SMARCAD1: variants seen among roughly 807,000 people sequenced by gnomAD.
The protein encoded by SMARCAD1 is SWI/SNF-related matrix-associated actin-dependent regulator of chromatin subfamily A containing DEAD/H box 1.
Under a neutral mutation model 127.1 loss-of-function variants are expected in SMARCAD1, and 25 were observed. That is an observed-to-expected ratio of 0.20 (90% CI 0.14 to 0.27). The LOEUF (loss-of-function observed/expected upper bound fraction) is 0.27. SMARCAD1 is among the 10% of genes least tolerant of loss of function. SMARCAD1 has a pLI of 1.00. For synonymous variants in SMARCAD1, 400 were observed against 396.9 expected (o/e 1.01, Z -0.09); for missense variants, 807 against 1,206.0 (o/e 0.67, Z 4.90).
At chr4:94,282,085 C>T (rs1754116980) in intron 21 of SMARCAD1, among the ~76,000 whole-genome samples, 1 of 109,608 alleles carries the variant, frequency 9.1e-6, no homozygotes, top group Admixed American at 1.1e-4. Flanking sequence ...GAATTACATG[C>T]AAATACGTTT....
Position 94,252,634 on chromosome 4 carries a change from A to T in SMARCAD1, c.908A>T (p.Gln303Leu). 1 of 1,568,844 alleles carries T rather than the reference A, an allele frequency of 6.4e-7. No individual in the cohort carries two copies. Among genetic ancestry groups the T allele is most frequent in the African/African-American group, 1.4e-5 (1 of 72,522 alleles). ...TATACAGATATGCAATATGTATCAC[A>T]AAGTGAGGTTCCAAATGGAAAAGAA... Reference protein sequence around the residue: ...AEDQDMQYVSQSEVPNGKEVS... With the variant: ...AEDQDMQYVSLSEVPNGKEVS... Residue 303 changes from glutamine (Q) to leucine (L), a missense_variant, in exon 9 of 24, where the codon CAA becomes CTA. This residue lies in a region of SMARCAD1 where 257 missense variants were observed against 303.4 expected (regional missense o/e 0.85). Coordinates refer to ENST00000354268, the MANE Select transcript of SMARCAD1 (RefSeq NM_020159.5).
rs1467432447 is a variant in SMARCAD1 at position 94,291,160 on chromosome 4, T to C, written c.*1626T>C. The C allele has an allele frequency of 8.8e-5, 40 of 453,636 alleles. No homozygotes were observed. The highest frequency in any genetic ancestry group is 1.5e-4 in the Non-Finnish European group (33 of 226,658). The allele number at this position is 453,636 out of a possible 1,614,324, so 28.1% of individuals were successfully genotyped here. Reference sequence around the variant, plus strand: ...TTCTGTATTAATGTATTTTCAATGATAGGCTGTTTCTTTTTTTGTTGTTAT... The same window carrying C: ...TTCTGTATTAATGTATTTTCAATGACAGGCTGTTTCTTTTTTTGTTGTTAT... On this transcript the variant is annotated 3_prime_UTR_variant, in exon 24 of 24. Transcript: ENST00000354268.
intron 9 of SMARCAD1, chr4:94,253,591 C>T: frequency 9.6e-7 from 1 of 1,036,648 alleles, no homozygotes; most frequent in East Asian, 8.7e-5. Context: ...TAGCAGGCTG[C>T]AGCGTTTTTA....
At chr4:94,282,091 C>CTT (rs1560568847) in intron 21 of SMARCAD1, among the ~76,000 whole-genome samples, 1 of 1,164 alleles carries the variant, frequency 8.6e-4, no homozygotes, top group Admixed American at 9.8e-3. Flanking sequence ...CATGCAAATA[C>CTT]GTTTTTTTGT....
intron 2 of SMARCAD1, among the ~76,000 whole-genome samples, chr4:94,223,248 A>T (rs1284742210): frequency 6.6e-6 from 1 of 151,924 alleles, no homozygotes; most frequent in Non-Finnish European, 1.5e-5. Context: ...TAATCCCAGC[A>T]CTTTGGGAGG....
intron 6 of SMARCAD1, among the ~76,000 whole-genome samples, chr4:94,247,354 T>C (rs1748591736): frequency 6.6e-6 from 1 of 152,092 alleles, no homozygotes; most frequent in African/African-American, 2.4e-5. Flanking sequence ...TTGTAAAGTG[T>C]CTGTGTAACC....
At chr4:94,237,353 G>T (rs958922359) in intron 5 of SMARCAD1, among the ~76,000 whole-genome samples, 2 of 151,968 alleles carry the variant, frequency 1.3e-5, no homozygotes, top group Non-Finnish European at 2.9e-5. Flanking sequence ...GGCGTAGCTG[G>T]TAATCAACAT....
chr4:94,287,003 T>C (rs918645461), intron 23 of SMARCAD1, among the ~76,000 whole-genome samples: 2 of 152,198 alleles, frequency 1.3e-5, no homozygotes, highest in African/African-American at 2.4e-5. Flanking sequence ...TAGCTGGGAC[T>C]ATAGGTGCCC....
chr4:94,265,075 TC>T (rs1011787952), intron 10 of SMARCAD1, among the ~76,000 whole-genome samples, 169 bp downstream of exon 10: 50 of 152,042 alleles, frequency 3.3e-4, no homozygotes, highest in African/African-American at 1.2e-3. Flanking sequence ...TTCATTGATT[TC>T]CCCCACCCCC....
rs35858920 is a variant in SMARCAD1 at position 94,278,600 on chromosome 4, G to GT, written c.2179-10dup. The GT allele has an allele frequency of 3.7e-6, 6 of 1,613,340 alleles. No individual in the cohort carries two copies. Among genetic ancestry groups the GT allele is most frequent in the African/African-American group, 2.7e-5 (2 of 74,852 alleles). On this transcript the variant is annotated splice_polypyrimidine_tract_variant and intron_variant, in intron 17 of 23. Coordinates refer to ENST00000354268, the MANE Select transcript of SMARCAD1 (RefSeq NM_020159.5). ...TTTACTAGAATGATTATCTTAAACT[G>GT]TTTTTTCTGTCTCAGGTTCTCAAGC...
chr4:94,253,120 T>C, intron 9 of SMARCAD1, 113 bp downstream of exon 9: 1 of 1,560,284 alleles, frequency 6.4e-7, no homozygotes, highest in Non-Finnish European at 8.7e-7. Context: ...GGCCTTATCC[T>C]GTGTAAAGTC....
chr4:94,278,296 G>C (rs553750609), intron 16 of SMARCAD1, 126 bp from the exon 17 acceptor site: 87 of 818,038 alleles, frequency 1.1e-4, no homozygotes, highest in South Asian at 1.0e-3. Flanking sequence ...CATCTAGAAT[G>C]AATCAAGTTT....
chr4:94,275,791 A>ATTTTTT lies in SMARCAD1; in HGVS notation c.1809-544_1809-543insTTTTTT, dbSNP rs1753174031. Among the ~76,000 whole-genome samples the ATTTTTT allele has an allele frequency of 2.8e-4, 17 of 61,554 alleles. No homozygotes were observed. In the East Asian group the frequency reaches 8.6e-3, roughly 31 times the overall value. 40.4% of individuals were successfully genotyped at this position (61,554 alleles called of 152,430 possible). ...GAAGTTGTCCGATTGTAACATTAAC[A>ATTTTTT]TTTTCTTTTTTTTTTTTTTTTTTGA... On this transcript the variant is annotated intron_variant, in intron 14 of 23. Coordinates refer to ENST00000354268, the MANE Select transcript of SMARCAD1 (RefSeq NM_020159.5).
At chr4:94,271,061 A>T (rs548784222) in intron 11 of SMARCAD1, among the ~76,000 whole-genome samples, 45 of 152,320 alleles carry the variant, frequency 3.0e-4, no homozygotes, top group Middle Eastern at 6.8e-3. Context: ...TTGCAAACAT[A>T]AAAATACAAA....
intron 10 of SMARCAD1, among the ~76,000 whole-genome samples, chr4:94,266,030 A>G (rs1467004092): frequency 2.0e-5 from 3 of 152,110 alleles, no homozygotes; most frequent in Non-Finnish European, 4.4e-5. Context: ...GGCCTTTAAT[A>G]GTAAGCTACA....
chr4:94,272,192 C>T (rs998236433), intron 11 of SMARCAD1, among the ~76,000 whole-genome samples: 4 of 152,220 alleles, frequency 2.6e-5, no homozygotes. Context: ...TCAGGCCCCA[C>T]ACTTATGAAC....
At chr4:94,240,303 A>G (rs967008494) in intron 5 of SMARCAD1, among the ~76,000 whole-genome samples, 1 of 152,212 alleles carries the variant, frequency 6.6e-6, no homozygotes, top group African/African-American at 2.4e-5. Context: ...TCTTCCAGTC[A>G]CGACAATATG....
rs541739948 is a variant in SMARCAD1 at position 94,238,242 on chromosome 4, C to T, written c.604+1224C>T. ...GCAAGGAGACAGTATTTTGTGGGTG[C>T]TACCTACAGTGTATCAAGATTCTTT... On this transcript the variant is annotated intron_variant, in intron 5 of 23. Transcript: ENST00000354268. Among the ~76,000 whole-genome samples, 213 of 152,234 alleles carry T rather than the reference C, an allele frequency of 1.4e-3. 2 individuals are homozygous for T. In the Middle Eastern group the frequency reaches 0.02, roughly 15 times the overall value.
intron 5 of SMARCAD1, among the ~76,000 whole-genome samples, 167 bp from the exon 6 acceptor site, chr4:94,240,739 G>T: frequency 6.6e-6 from 1 of 151,936 alleles, no homozygotes; most frequent in African/African-American, 2.4e-5. Context: ...TGCAAAGAAT[G>T]TTTACTTTTT....
Sources: allele counts gnomAD v4.1 joint callset (sites outside exome capture counted in the v4.1 genomes callset), GRCh38; gene constraint gnomAD v4.1.1; regional missense constraint gnomAD v4.1.1; transcripts MANE v1.5; gene names NCBI Gene and HGNC (gene_info 2026-07-23, HGNC 2026-07-21).